PRKCA: variants seen among roughly 807,000 people sequenced by gnomAD.
The protein encoded by PRKCA is protein kinase C alpha.
Under a neutral mutation model 87.0 loss-of-function variants are expected in PRKCA, and 27 were observed. The observed-to-expected ratio is 0.31, with a 90% confidence interval of 0.23 to 0.43. PRKCA has a LOEUF of 0.43. PRKCA is among the 20% of genes least tolerant of loss of function. The pLI is 1.00. For missense variants in PRKCA, 518 were observed against 852.3 expected (o/e 0.61, Z 4.88); for synonymous variants, 329 against 311.1 (o/e 1.06, Z -0.61).
chr17:66,750,315 T>A lies in PRKCA; in HGVS notation c.1524+7555T>A, dbSNP rs907174497. Among the ~76,000 whole-genome samples, 6 of 152,096 alleles carry A rather than the reference T, an allele frequency of 3.9e-5. No homozygotes were observed. In the South Asian group the frequency reaches 1.2e-3, roughly 32 times the overall value. Reference sequence around the variant, plus strand: ...GGCTTTCTTTCTATCAAAGGCCAATTTCCCTCTATGGAGGGTCATGGTCCA... The same window carrying A: ...GGCTTTCTTTCTATCAAAGGCCAATATCCCTCTATGGAGGGTCATGGTCCA... On this transcript the variant is annotated intron_variant, in intron 13 of 16. Coordinates refer to ENST00000413366, the MANE Select transcript of PRKCA (RefSeq NM_002737.3).
intron 8 of PRKCA, among the ~76,000 whole-genome samples, chr17:66,696,061 G>A (rs1972911987): frequency 6.6e-6 from 1 of 152,232 alleles, no homozygotes; most frequent in Non-Finnish European, 1.5e-5. Flanking sequence ...GGAGCAAGAG[G>A]TGTGATGTTG....
intron 5 of PRKCA, among the ~76,000 whole-genome samples, chr17:66,681,153 C>T (rs1048405841): frequency 6.6e-6 from 1 of 152,066 alleles, no homozygotes; most frequent in African/African-American, 2.4e-5. Flanking sequence ...CACTTGAACC[C>T]GGGAGGCGGA....
intron 2 of PRKCA, among the ~76,000 whole-genome samples, chr17:66,422,037 G>A (rs1197593792): frequency 6.6e-6 from 1 of 151,964 alleles, no homozygotes; most frequent in African/African-American, 2.4e-5. Context: ...TTGCCTCGTC[G>A]ATGCCATCTC....
intron 3 of PRKCA, among the ~76,000 whole-genome samples, chr17:66,527,085 T>G (rs1003852290): frequency 6.6e-6 from 1 of 152,092 alleles, no homozygotes; most frequent in Non-Finnish European, 1.5e-5. Context: ...AGAGACTGAG[T>G]GGCCTGCAGA....
At chr17:66,541,047 C>T (rs1369159760) in intron 3 of PRKCA, among the ~76,000 whole-genome samples, 1 of 152,132 alleles carries the variant, frequency 6.6e-6, no homozygotes, top group African/African-American at 2.4e-5. Flanking sequence ...ATTCTCTGGC[C>T]ATCTCAGAGC....
chr17:66,532,022 G>A (rs1303226719), intron 3 of PRKCA, among the ~76,000 whole-genome samples: 2 of 152,126 alleles, frequency 1.3e-5, no homozygotes, highest in African/African-American at 4.8e-5. Context: ...GCATTATTCA[G>A]CGCCTTTGCT....
chr17:66,395,716 C>T (rs1234980016), intron 2 of PRKCA, among the ~76,000 whole-genome samples: 2 of 152,188 alleles, frequency 1.3e-5, no homozygotes, highest in East Asian at 3.8e-4. Flanking sequence ...CAGATTTCAG[C>T]TGATTTTTTA....
chr17:66,333,013 T>A (rs1906445438), intron 2 of PRKCA, among the ~76,000 whole-genome samples: 1 of 152,134 alleles, frequency 6.6e-6, no homozygotes, highest in African/African-American at 2.4e-5. Context: ...TTTTAAGGGA[T>A]TTGTTTGTGA....
chr17:66,606,280 C>T (rs1030111852), intron 3 of PRKCA, among the ~76,000 whole-genome samples: 1 of 151,942 alleles, frequency 6.6e-6, no homozygotes, highest in Non-Finnish European at 1.5e-5. Flanking sequence ...CCCAGCTACT[C>T]GGGAGGCTGA....
chr17:66,477,220 A>G (rs551315031), intron 2 of PRKCA, among the ~76,000 whole-genome samples: 1 of 152,324 alleles, frequency 6.6e-6, no homozygotes, highest in African/African-American at 2.4e-5. Flanking sequence ...ACCCACAGAA[A>G]CTTCAAAAGG....
intron 3 of PRKCA, among the ~76,000 whole-genome samples, chr17:66,520,638 G>A (rs1202512583): frequency 4.0e-5 from 6 of 151,682 alleles, no homozygotes; most frequent in Admixed American, 3.3e-4. Flanking sequence ...CAAAGGTAAT[G>A]CAGTTAGCAA....
At chr17:66,439,935 A>G (rs766413560) in intron 2 of PRKCA, among the ~76,000 whole-genome samples, 1 of 152,174 alleles carries the variant, frequency 6.6e-6, no homozygotes, top group African/African-American at 2.4e-5. Context: ...AAATCCCATA[A>G]TAAGTGCAAC....
chr17:66,326,331 C>G (rs1460216463), intron 2 of PRKCA, among the ~76,000 whole-genome samples: 1 of 152,086 alleles, frequency 6.6e-6, no homozygotes, highest in East Asian at 1.9e-4. Context: ...ATGTTGTCTT[C>G]CCTGCCCTCT....
At chr17:66,356,670 G>A (rs921976006) in intron 2 of PRKCA, among the ~76,000 whole-genome samples, 1 of 152,156 alleles carries the variant, frequency 6.6e-6, no homozygotes, top group East Asian at 1.9e-4. Context: ...CATACAGATG[G>A]ATATCTAAAA....
intron 2 of PRKCA, among the ~76,000 whole-genome samples, chr17:66,381,545 A>G (rs1392960273): frequency 6.6e-6 from 1 of 152,222 alleles, no homozygotes; most frequent in Non-Finnish European, 1.5e-5. Context: ...TTGGACAATC[A>G]AGGTTGTAAA....
chr17:66,440,261 C>G (rs1229321753), intron 2 of PRKCA, among the ~76,000 whole-genome samples: 1 of 152,144 alleles, frequency 6.6e-6, no homozygotes, highest in Non-Finnish European at 1.5e-5. Flanking sequence ...TTTTAAGAGC[C>G]CCCCACCAGT....
intron 5 of PRKCA, among the ~76,000 whole-genome samples, chr17:66,658,357 T>C (rs1257188318): frequency 2.0e-5 from 3 of 152,084 alleles, no homozygotes; most frequent in Non-Finnish European, 2.9e-5. Flanking sequence ...GGCAGACACC[T>C]GTAATCCCAG....
chr17:66,391,793 A>G (rs1910370964), intron 2 of PRKCA, among the ~76,000 whole-genome samples: 1 of 152,144 alleles, frequency 6.6e-6, no homozygotes, highest in African/African-American at 2.4e-5. Context: ...ACAACTCGGC[A>G]CACCCACTCT....
chr17:66,527,010 A>G (rs896088011), intron 3 of PRKCA, among the ~76,000 whole-genome samples: 4 of 152,110 alleles, frequency 2.6e-5, no homozygotes, highest in African/African-American at 7.2e-5. Flanking sequence ...AGCCATGTCC[A>G]GTGGTTTGTG....
Sources: allele counts gnomAD v4.1 joint callset (sites outside exome capture counted in the v4.1 genomes callset), GRCh38; gene constraint gnomAD v4.1.1; transcripts MANE v1.5; gene names NCBI Gene and HGNC (gene_info 2026-07-23, HGNC 2026-07-21).